The following COL5A1 variants were observed in gnomAD, a reference collection of about 807,000 sequenced individuals.
COL5A1 encodes collagen alpha-1(V) chain.
Under a neutral mutation model 263.7 loss-of-function variants are expected in COL5A1, and 16 were observed. That is an observed-to-expected ratio of 0.06 (90% CI 0.04 to 0.09). The LOEUF (loss-of-function observed/expected upper bound fraction) is 0.09, where lower values mean the gene tolerates loss of function less well. COL5A1 is among the 10% of genes least tolerant of loss of function. The pLI, the probability that COL5A1 is intolerant of heterozygous loss-of-function variation, is 1.00. For missense variants in COL5A1, 2,036 were observed against 2,540.5 expected (o/e 0.80, Z 4.27); for synonymous variants, 1,012 against 1,004.5 (o/e 1.01, Z -0.14).
At position 134,774,893 on chromosome 9, in the gene COL5A1, C is replaced by G. The variant is rs747909981; in HGVS notation, c.2366C>G (p.Pro789Arg). The change falls in exon 27 of 66, where the codon CCA (proline) becomes CGA (arginine). Residue 789 changes from proline (P) to arginine (R), a missense_variant. By Grantham distance (103) the Pro-to-Arg change is moderately radical (BLOSUM62 -2). Coordinates refer to ENST00000371817, the MANE Select transcript of COL5A1 (RefSeq NM_000093.5). Reference sequence around the variant, plus strand: ...GGCCCCCAGGGTCCGATTGGCTACCCAGGTCCTCGAGGAGTCAAGGTGAGA... The same window carrying G: ...GGCCCCCAGGGTCCGATTGGCTACCGAGGTCCTCGAGGAGTCAAGGTGAGA... ...PPGPQGPIGYPGPRGVKGADG... is the reference protein window; with the variant it reads ...PPGPQGPIGYRGPRGVKGADG... The G allele has an allele frequency of 1.9e-6, 3 of 1,613,662 alleles. No individual in the cohort carries two copies. The highest frequency in any genetic ancestry group is 3.3e-5 in the Admixed American group (2 of 59,964).
intron 1 of COL5A1, among the ~76,000 whole-genome samples, chr9:134,685,825 C>T (rs1401224167): frequency 6.6e-6 from 1 of 150,994 alleles, no homozygotes; most frequent in East Asian, 2.0e-4. Flanking sequence ...TTCATCCATC[C>T]ATCCATCCAT....
intron 1 of COL5A1, among the ~76,000 whole-genome samples, chr9:134,684,114 G>A (rs73665733): frequency 0.032 from 4,916 of 152,350 alleles, 155 homozygotes; most frequent in African/African-American, 0.081. Context: ...CCACTTCCAA[G>A]GGGAGGGGCT....
At chr9:134,790,282 C>G (rs571941659) in intron 32 of COL5A1, among the ~76,000 whole-genome samples, 1 of 152,336 alleles carries the variant, frequency 6.6e-6, no homozygotes, top group Non-Finnish European at 1.5e-5. Context: ...CTCCACCCCT[C>G]TCTGTCTCTG....
At chr9:134,778,359 G>A (rs1189917212) in intron 27 of COL5A1, among the ~76,000 whole-genome samples, 3 of 152,388 alleles carry the variant, frequency 2.0e-5, no homozygotes, top group East Asian at 3.9e-4. Flanking sequence ...GCTCAGTGGG[G>A]GCAGTGGCCT....
At chr9:134,767,712 T>C (rs1836727428) in intron 24 of COL5A1, among the ~76,000 whole-genome samples, 1 of 152,236 alleles carries the variant, frequency 6.6e-6, no homozygotes, top group South Asian at 2.1e-4. Context: ...TTTAGTCTAG[T>C]TTTGCTAAAT....
chr9:134,765,006 G>T lies in COL5A1; in HGVS notation c.2035-675G>T, dbSNP rs1031806184. ...GAAGCCTCTGTAATTCTCCGTGGGT[G>T]GGGGGTGTGAGTGCCCTGTGGCAGG... On this transcript the variant is annotated intron_variant, in intron 20 of 65. Coordinates refer to ENST00000371817, the MANE Select transcript of COL5A1 (RefSeq NM_000093.5). This position sits in a 1 kb window ranked among gnomAD's most constrained non-coding sequence, Gnocchi z 5.1. Among the ~76,000 whole-genome samples the T allele has an allele frequency of 6.6e-6, 1 of 152,140 alleles. No individual in the cohort carries two copies. Among genetic ancestry groups the T allele is most frequent in the Non-Finnish European group, 1.5e-5 (1 of 68,010 alleles).
At chr9:134,781,645 C>T (rs1463926236) in intron 28 of COL5A1, among the ~76,000 whole-genome samples, 1 of 152,234 alleles carries the variant, frequency 6.6e-6, no homozygotes, top group East Asian at 1.9e-4. Context: ...CCGCACTGTT[C>T]CCGAGGGCCA....
In COL5A1 at chr9:134,678,559, C is replaced by T. The variant is rs1392673567; in HGVS notation, c.110-12353C>T. Among the ~76,000 whole-genome samples, 1 of 152,216 alleles carries T rather than the reference C, an allele frequency of 6.6e-6. No individual in the cohort carries two copies. Among genetic ancestry groups the T allele is most frequent in the Non-Finnish European group, 1.5e-5 (1 of 68,010 alleles). On this transcript the variant is annotated intron_variant, in intron 1 of 65. Transcript: ENST00000371817. This position sits in a 1 kb window ranked among gnomAD's most constrained non-coding sequence, Gnocchi z 5.5. ...AGGGCAAGCACCTGCTTCTCACCAC[C>T]TGCTGCTCCTCCATGGTCTCTTCAG...
rs747395136 is a variant in COL5A1, at chr9:134,782,611, G to A, written c.2431-56G>A. On this transcript the variant is annotated intron_variant, in intron 28 of 65. Transcript: ENST00000371817. Reference sequence around the variant, plus strand: ...GGTTGTTTGGAGCGGGGAAGGGACCGCCAGGGAGGCGGGTCCTCTTGCCTA... The same window carrying A: ...GGTTGTTTGGAGCGGGGAAGGGACCACCAGGGAGGCGGGTCCTCTTGCCTA... 65 of 1,541,934 alleles carry A rather than the reference G, an allele frequency of 4.2e-5. No homozygotes were observed. In the East Asian group the frequency reaches 9.2e-4, roughly 22 times the overall value.
chr9:134,737,424 G>A lies in COL5A1; in HGVS notation c.1390-1050G>A, dbSNP rs77435127. ...GCAGGGCAGGGAATGCTGAGTTCCT[G>A]GGTACCTCTTTGAAAATGTGGTCCC... is the stretch of plus-strand genomic sequence containing the variant. On this transcript the variant is annotated intron_variant, in intron 9 of 65. Transcript: ENST00000371817. Among the ~76,000 whole-genome samples the A allele has an allele frequency of 3.9e-5, 6 of 152,312 alleles. No individual in the cohort carries two copies. In the East Asian group the frequency reaches 1.2e-3, roughly 29 times the overall value.
rs377065279 is a variant in COL5A1 at position 134,691,217 on chromosome 9, G to A, written c.277+138G>A. The A allele has an allele frequency of 2.7e-4, 300 of 1,096,144 alleles. 1 individual carries two copies. Among genetic ancestry groups the A allele is most frequent in the African/African-American group, 2.3e-3 (145 of 64,046 alleles). The allele number at this position is 1,096,144 out of a possible 1,614,324, so 67.9% of individuals were successfully genotyped here. On this transcript the variant is annotated intron_variant, in intron 2 of 65. Transcript: ENST00000371817. ...AAGCCCCTCTCACGAGCCCGGCTTC[G>A]TTTCACTGTAGTGAAAAGGCAGTTG...
At chr9:134,820,310 C>G (rs2132869440) in intron 58 of COL5A1, 87 bp downstream of exon 58, 1 of 1,050,912 alleles carries the variant, frequency 9.5e-7, no homozygotes, top group South Asian at 1.3e-5. Context: ...GGAGGCCCAT[C>G]AGAGCCCGGA....
chr9:134,685,116 A>G (rs1410909283), intron 1 of COL5A1, among the ~76,000 whole-genome samples: 1 of 80,156 alleles, frequency 1.2e-5, no homozygotes, highest in African/African-American at 7.3e-5. Flanking sequence ...CCATCCATTC[A>G]TCCATCCATC....
chr9:134,735,399 A>G (rs1444943901), intron 9 of COL5A1, among the ~76,000 whole-genome samples: 1 of 150,200 alleles, frequency 6.7e-6, no homozygotes, highest in Non-Finnish European at 1.5e-5. Flanking sequence ...GTGCAATATC[A>G]TTAACTATAT....
At chr9:134,695,543 C>T (rs943429672) in intron 2 of COL5A1, among the ~76,000 whole-genome samples, 1 of 152,128 alleles carries the variant, frequency 6.6e-6, no homozygotes, top group Non-Finnish European at 1.5e-5. Flanking sequence ...GGGTAGTGTC[C>T]TCAGCCTGGG....
chr9:134,824,464 C>T (rs1166375669), intron 61 of COL5A1, 136 bp from the exon 62 acceptor site: 1 of 1,060,412 alleles, frequency 9.4e-7, no homozygotes, highest in Non-Finnish European at 1.4e-6. Flanking sequence ...CTAAGGCGGA[C>T]AGATGTCCAT....
intron 1 of COL5A1, among the ~76,000 whole-genome samples, chr9:134,644,971 C>T (rs905397645): frequency 6.6e-6 from 1 of 152,142 alleles, no homozygotes; most frequent in African/African-American, 2.4e-5. Flanking sequence ...CCATCCTCTG[C>T]CCCCTCCCTC....
In COL5A1 at chr9:134,788,589, G is replaced by GTAGGTGGA. The variant is rs578215729; in HGVS notation, c.2647-562_2647-555dup. Reference sequence around the variant, plus strand: ...AATGAATGGGTAGGTGGGTGGGTGGGTAGGTGGATAGACAGATAGATGGAT... The same window carrying GTAGGTGGA: ...AATGAATGGGTAGGTGGGTGGGTGGGTAGGTGGATAGGTGGATAGACAGATAGATGGAT... On this transcript the variant is annotated intron_variant, in intron 31 of 65. Transcript: ENST00000371817. 2.7e-3 allele frequency among the ~76,000 whole-genome samples: 375 copies of GTAGGTGGA among 140,794 alleles called. 1 individual carries two copies. Among genetic ancestry groups the GTAGGTGGA allele is most frequent in the Admixed American group, 4.4e-3 (64 of 14,388 alleles). The allele number at this position is 140,794 out of a possible 152,430, so 92.4% of individuals were successfully genotyped here. A position where few individuals can be genotyped will look rare whatever the true frequency, so the allele number is the denominator to read the frequency against.
chr9:134,734,501 G>A (rs1299292868), intron 9 of COL5A1, among the ~76,000 whole-genome samples: 1 of 152,250 alleles, frequency 6.6e-6, no homozygotes, highest in African/African-American at 2.4e-5. Context: ...TAAACAGATG[G>A]CCAGGTCCTG....
Sources: gnomAD v4.1 joint callset for allele counts (sites outside exome capture counted in the v4.1 genomes callset) on GRCh38, gnomAD v4.1.1 for gene constraint, Gnocchi (gnomAD v3.1) non-coding constraint, MANE v1.5 for transcripts, NCBI Gene and HGNC (gene_info 2026-07-23, HGNC 2026-07-21) for gene names.